GREB1L: variants seen among roughly 807,000 people sequenced by gnomAD.
GREB1L encodes GREB1-like protein.
GREB1L carries 17 observed loss-of-function variants against 200.8 expected under a neutral mutation model. The observed-to-expected ratio is 0.08, with a 90% CI of 0.06 to 0.13. The LOEUF is 0.13. GREB1L is among the 10% of genes least tolerant of loss of function. The pLI is 1.00. For missense variants in GREB1L, 1,657 were observed against 2,367.7 expected, an observed-to-expected ratio of 0.70 and a Z score of 6.23; for synonymous variants, 789 against 893.0, an observed-to-expected ratio of 0.88 and a Z score of 2.08.
At chr18:21,499,661 T>C (rs1190594934) in intron 21 of GREB1L, 68 bp from the exon 22 acceptor site, 1 of 1,177,704 alleles carries the variant, frequency 8.5e-7, no homozygotes, top group East Asian at 2.6e-5. Context: ...TCCTGGCCTT[T>C]GTCTGCTTCC....
chr18:21,269,514 A>G (rs1387966441), intron 1 of GREB1L, among the ~76,000 whole-genome samples: 1 of 152,198 alleles, frequency 6.6e-6, no homozygotes, highest in East Asian at 1.9e-4. Flanking sequence ...GTAGTATACA[A>G]GATAACAACT....
intron 11 of GREB1L, among the ~76,000 whole-genome samples, chr18:21,448,822 C>A (rs537257430): frequency 6.6e-6 from 1 of 152,238 alleles, no homozygotes; most frequent in African/African-American, 2.4e-5. Context: ...GGAAGAAAAT[C>A]CCCCTGATTC....
intron 15 of GREB1L, among the ~76,000 whole-genome samples, chr18:21,468,117 A>G (rs2145635057): frequency 6.6e-6 from 1 of 152,302 alleles, no homozygotes; most frequent in East Asian, 1.9e-4. Context: ...TATTCATAAT[A>G]GCAAAAAAGC....
At chr18:21,340,380 A>G (rs2039251023) in intron 1 of GREB1L, among the ~76,000 whole-genome samples, 2 of 150,838 alleles carry the variant, frequency 1.3e-5, no homozygotes, top group Admixed American at 6.6e-5. Context: ...AGATTGTGCC[A>G]CTGCACTCCA....
chr18:21,428,334 T>A (rs2032808071), intron 7 of GREB1L, among the ~76,000 whole-genome samples: 1 of 41,050 alleles, frequency 2.4e-5, no homozygotes, highest in Non-Finnish European at 3.7e-5. Flanking sequence ...CTTTTTGTCT[T>A]TTTTTTTTTT....
intron 15 of GREB1L, among the ~76,000 whole-genome samples, chr18:21,463,854 C>T (rs1436400655): frequency 1.3e-5 from 2 of 152,176 alleles, no homozygotes; most frequent in African/African-American, 4.8e-5. Context: ...CCCCACTGTC[C>T]CAGCTCTGAA....
chr18:21,380,084 G>A (rs1444043166), intron 2 of GREB1L, among the ~76,000 whole-genome samples: 6 of 152,060 alleles, frequency 3.9e-5, no homozygotes, highest in Non-Finnish European at 1.5e-5. Flanking sequence ...CAGAAAAGTT[G>A]CCAAAATAGG....
chr18:21,386,866 G>A (rs1210538752), intron 4 of GREB1L, among the ~76,000 whole-genome samples: 2 of 152,090 alleles, frequency 1.3e-5, no homozygotes, highest in Admixed American at 6.6e-5. Context: ...CTCAAAGGGA[G>A]AACAGTTCTG....
At chr18:21,332,580 TTCTCCAGTCTCAGCC>T (rs1341294652) in intron 1 of GREB1L, among the ~76,000 whole-genome samples, 2 of 152,280 alleles carry the variant, frequency 1.3e-5, no homozygotes, top group Admixed American at 1.3e-4. Flanking sequence ...GTTTAAGCGA[TTCTCCAGTCTCAGCC>T]TCTCAAGTAG....
chr18:21,247,243 A>G (rs972289291), intron 1 of GREB1L, among the ~76,000 whole-genome samples: 1 of 152,060 alleles, frequency 6.6e-6, no homozygotes, highest in Non-Finnish European at 1.5e-5. Flanking sequence ...CCTTCAGTGC[A>G]GTTGTTTTTG....
intron 1 of GREB1L, among the ~76,000 whole-genome samples, chr18:21,282,805 G>A (rs911469329): frequency 1.3e-4 from 20 of 152,042 alleles, no homozygotes; most frequent in Non-Finnish European, 2.4e-4. Flanking sequence ...TCACCATATT[G>A]GCCAGGCTGG....
chr18:21,347,874 C>G (rs921789400), intron 1 of GREB1L, among the ~76,000 whole-genome samples: 2 of 145,610 alleles, frequency 1.4e-5, no homozygotes, highest in African/African-American at 5.1e-5. Flanking sequence ...TCAAGTGATT[C>G]TCCTGCCTCA....
intron 16 of GREB1L, among the ~76,000 whole-genome samples, chr18:21,474,060 A>G (rs1481869465): frequency 6.6e-6 from 1 of 152,166 alleles, no homozygotes; most frequent in Non-Finnish European, 1.5e-5. Context: ...GAGCTACAAG[A>G]TGAGATTTGG....
intron 7 of GREB1L, among the ~76,000 whole-genome samples, chr18:21,435,686 G>T (rs1325382649): frequency 1.3e-5 from 2 of 152,186 alleles, no homozygotes; most frequent in East Asian, 3.9e-4. Flanking sequence ...AACTTCCAGC[G>T]ATTTGGACTT....
At chr18:21,408,435 G>C (rs2586202) in intron 7 of GREB1L, among the ~76,000 whole-genome samples, 3 of 151,974 alleles carry the variant, frequency 2.0e-5, no homozygotes, top group African/African-American at 7.2e-5. Flanking sequence ...TCAAATAATA[G>C]ATACAAATGG....
intron 1 of GREB1L, among the ~76,000 whole-genome samples, chr18:21,243,809 A>C (rs2037549275): frequency 1.3e-5 from 2 of 152,148 alleles, no homozygotes; most frequent in South Asian, 4.1e-4. Flanking sequence ...TATGTATTTC[A>C]AGAGGAAAAT....
chr18:21,472,986 A>G (rs773952753), intron 15 of GREB1L, 45 bp from the exon 16 acceptor site: 34 of 1,298,944 alleles, frequency 2.6e-5, no homozygotes, highest in South Asian at 1.4e-4. Context: ...GTGTGTGTGT[A>G]TGTGTAAAAG....
At chr18:21,418,076 T>A (rs2031815565) in intron 7 of GREB1L, among the ~76,000 whole-genome samples, 1 of 152,102 alleles carries the variant, frequency 6.6e-6, no homozygotes, top group Non-Finnish European at 1.5e-5. Context: ...ATTTAAAAGA[T>A]GATTGTTACA....
intron 1 of GREB1L, among the ~76,000 whole-genome samples, chr18:21,277,406 C>G (rs1427881504): frequency 6.6e-6 from 1 of 152,194 alleles, no homozygotes; most frequent in Non-Finnish European, 1.5e-5. Context: ...GCTTTTGCCT[C>G]ATTCTTAAAA....
Sources: allele counts gnomAD v4.1 joint callset (sites outside exome capture counted in the v4.1 genomes callset), GRCh38; gene constraint gnomAD v4.1.1; transcripts MANE v1.5; gene names NCBI Gene and HGNC (gene_info 2026-07-23, HGNC 2026-07-21).